GNPTAB: variants seen among roughly 807,000 people sequenced by gnomAD.
GNPTAB encodes N-acetylglucosamine-1-phosphotransferase subunits alpha/beta.
GNPTAB carries 92 observed loss-of-function variants against 136.6 expected under a neutral mutation model. The ratio of observed to expected loss-of-function variants is 0.67; its 90% CI spans 0.57 to 0.80. The LOEUF (loss-of-function observed/expected upper bound fraction) is 0.80. GNPTAB is among the 30% of genes least tolerant of loss of function. The probability of loss-of-function intolerance (pLI) is 0.00; values close to 1 mark genes in which losing one functional copy is unlikely to be tolerated. For synonymous variants in GNPTAB, 512 were observed against 535.1 expected (o/e 0.96, Z 0.60); for missense variants, 1,343 against 1,501.8 (o/e 0.89, Z 1.75).
At chr12:101,815,560 T>C (rs1870472717) in intron 1 of GNPTAB, among the ~76,000 whole-genome samples, 1 of 151,374 alleles carries the variant, frequency 6.6e-6, no homozygotes, top group African/African-American at 2.4e-5. Context: ...TGCAGTCTGC[T>C]ATGATCATGT....
intron 11 of GNPTAB, among the ~76,000 whole-genome samples, chr12:101,767,085 A>G (rs1366178562): frequency 6.6e-6 from 1 of 152,210 alleles, no homozygotes; most frequent in African/African-American, 2.4e-5. Flanking sequence ...CGCATCTGAC[A>G]TATCTGACTG....
intron 1 of GNPTAB, among the ~76,000 whole-genome samples, chr12:101,800,165 ACCTCTG>A (rs761859547): frequency 6.9e-6 from 1 of 145,142 alleles, no homozygotes; most frequent in Non-Finnish European, 1.5e-5. Context: ...CTCTCCTGGG[ACCTCTG>A]CCAGCTAGCT....
intron 3 of GNPTAB, 31 bp downstream of exon 3, chr12:101,789,907 C>T: frequency 6.2e-7 from 1 of 1,605,584 alleles, no homozygotes; most frequent in African/African-American, 1.3e-5. Context: ...CCACATTACC[C>T]ATCTGATGTG....
At chr12:101,804,400 A>G (rs1238167189) in intron 1 of GNPTAB, among the ~76,000 whole-genome samples, 1 of 151,942 alleles carries the variant, frequency 6.6e-6, no homozygotes, top group African/African-American at 2.4e-5. Context: ...ATTCAAACCG[A>G]CTTTCTGAAT....
chr12:101,824,538 C>T (rs1870994082), intron 1 of GNPTAB, among the ~76,000 whole-genome samples: 2 of 146,360 alleles, frequency 1.4e-5, no homozygotes, highest in African/African-American at 2.5e-5. Flanking sequence ...ACAATCTTGG[C>T]TCACTGCAAC....
At chr12:101,806,086 T>C (rs1200804584) in intron 1 of GNPTAB, among the ~76,000 whole-genome samples, 1 of 152,212 alleles carries the variant, frequency 6.6e-6, no homozygotes, top group Non-Finnish European at 1.5e-5. Context: ...TTCTAGATTC[T>C]GAGGACATAG....
At chr12:101,787,207 G>A (rs1868705030) in intron 4 of GNPTAB, among the ~76,000 whole-genome samples, 1 of 152,040 alleles carries the variant, frequency 6.6e-6, no homozygotes, top group Admixed American at 6.5e-5. Flanking sequence ...CTAAATATAA[G>A]TATCATGAAA....
intron 2 of GNPTAB, among the ~76,000 whole-genome samples, chr12:101,792,751 C>T (rs1006377867): frequency 1.3e-5 from 2 of 152,162 alleles, no homozygotes; most frequent in African/African-American, 4.8e-5. Context: ...TTCCATGCAG[C>T]CCTATCTTCC....
chr12:101,801,231 CAAAA>C (rs35036983), intron 1 of GNPTAB, among the ~76,000 whole-genome samples: 2 of 12,754 alleles, frequency 1.6e-4, no homozygotes, highest in African/African-American at 3.2e-4. Context: ...GACCCTGTCT[CAAAA>C]AAAAAAAAAA....
At chr12:101,776,314 A>G (rs1204591992) in intron 7 of GNPTAB, among the ~76,000 whole-genome samples, 1 of 152,256 alleles carries the variant, frequency 6.6e-6, no homozygotes. Context: ...ATCTGAAAAT[A>G]AGGACTGATG....
chr12:101,796,137 T>C (rs530018843), intron 2 of GNPTAB: 17 of 685,134 alleles, frequency 2.5e-5, no homozygotes, highest in South Asian at 1.1e-4. Context: ...AGTGGTTTAC[T>C]GGGGAGTGGT....
At chr12:101,771,192 C>CA (rs1379696924) in intron 7 of GNPTAB, 35 bp from the exon 8 acceptor site, 1 of 1,570,920 alleles carries the variant, frequency 6.4e-7, no homozygotes, top group Non-Finnish European at 8.8e-7. Flanking sequence ...CATGAAAAGA[C>CA]TGAATCTCAA....
At chr12:101,794,287 A>C (rs916584346) in intron 2 of GNPTAB, among the ~76,000 whole-genome samples, 1 of 152,204 alleles carries the variant, frequency 6.6e-6, no homozygotes, top group African/African-American at 2.4e-5. Flanking sequence ...AGCAGTGAAT[A>C]GTTTATATAT....
At chr12:101,764,106 A>G in intron 13 of GNPTAB, 96 bp downstream of exon 13, 2 of 1,502,570 alleles carry the variant, frequency 1.3e-6, no homozygotes, top group Non-Finnish European at 1.8e-6. Flanking sequence ...TGGCCGGCAC[A>G]GGGAAGTGCT....
At chr12:101,824,438 T>TATATA in intron 1 of GNPTAB, among the ~76,000 whole-genome samples, 1 of 28,116 alleles carries the variant, frequency 3.6e-5, no homozygotes, top group East Asian at 6.6e-3. Context: ...ATATATTTTC[T>TATATA]TTTTTTTTTT....
intron 1 of GNPTAB, among the ~76,000 whole-genome samples, chr12:101,819,070 G>A (rs909675320): frequency 6.6e-6 from 1 of 151,426 alleles, no homozygotes; most frequent in African/African-American, 2.4e-5. Context: ...GGAGTGCAAT[G>A]ACACGATCTT....
At chr12:101,789,254 G>C (rs1566087048) in intron 3 of GNPTAB, among the ~76,000 whole-genome samples, 1 of 152,154 alleles carries the variant, frequency 6.6e-6, no homozygotes, top group Non-Finnish European at 1.5e-5. Flanking sequence ...GCCGTTACTA[G>C]AGCACCATAT....
rs989739281 is a variant in GNPTAB at position 101,779,912 on chromosome 12, G to A, written c.771+240C>T. ...ACTACTTGGATGGGAGACATTGTAG[G>A]AGCTCATCTGTTAAACAAATGAGTC... On this transcript the variant is annotated intron_variant, in intron 7 of 20. Transcript: ENST00000299314. 4 of 538,702 alleles carry A rather than the reference G, an allele frequency of 7.4e-6. No homozygotes were observed. The African/African-American group carries it at 7.6e-5, about 10-fold the overall frequency. 33.4% of individuals were successfully genotyped at this position (538,702 alleles called of 1,614,324 possible).
At chr12:101,778,186 C>A (rs1953287039) in intron 7 of GNPTAB, 1 of 152,240 alleles carries the variant, frequency 6.6e-6, no homozygotes, top group South Asian at 2.1e-4. Context: ...CACACCCATC[C>A]ACCAGTAGAC....
Sources: gnomAD v4.1 joint callset for allele counts (sites outside exome capture counted in the v4.1 genomes callset) on GRCh38, gnomAD v4.1.1 for gene constraint, MANE v1.5 for transcripts, NCBI Gene and HGNC (gene_info 2026-07-23, HGNC 2026-07-21) for gene names.